ATP1A3: variants seen among roughly 807,000 people sequenced by gnomAD.
ATP1A3 encodes ATPase Na+/K+ transporting subunit alpha 3.
In ATP1A3, 12 loss-of-function variants were observed where a neutral mutation model predicts 108.8. The observed-to-expected ratio is 0.11, with a 90% CI of 0.07 to 0.18. The LOEUF (loss-of-function observed/expected upper bound fraction) is 0.18. ATP1A3 is among the 10% of genes least tolerant of loss of function. ATP1A3 has a pLI of 1.00. For synonymous variants in ATP1A3, 539 were observed against 564.5 expected (o/e 0.95, Z 0.64); for missense variants, 498 against 1,387.7 (o/e 0.36, Z 10.19).
At chr19:41,990,675 CATAT>C (rs5828137) in intron 1 of ATP1A3, among the ~76,000 whole-genome samples, 60 of 144,818 alleles carry the variant, frequency 4.1e-4, no homozygotes, top group Non-Finnish European at 4.5e-4. Context: ...TCTCTCTGTC[CATAT>C]ATATATATAT....
At position 41,981,901 on chromosome 19, in the gene ATP1A3, C is replaced by G. The variant is rs374826826; in HGVS notation, c.1192+7G>C. 1.9e-5 allele frequency: 31 copies of G among 1,614,108 alleles called. No homozygotes were observed. Among genetic ancestry groups the G allele is most frequent in the Non-Finnish European group, 2.4e-5 (28 of 1,180,042 alleles). On this transcript the variant is annotated splice_region_variant and intron_variant, in intron 9 of 22. Coordinates refer to ENST00000648268, the MANE Select transcript of ATP1A3 (RefSeq NM_152296.5). This position sits in a 1 kb window ranked among gnomAD's most constrained non-coding sequence, Gnocchi z 5.0. ...CCCCATGGTCCTCACCCGGGGCCTG[C>G]GCTCACCTGACTGGTCCTCAGTGGT... is the stretch of plus-strand genomic sequence containing the variant.
intron 4 of ATP1A3, chr19:41,986,589 A>C (rs1286462238): frequency 3.3e-6 from 1 of 305,892 alleles, no homozygotes; most frequent in Non-Finnish European, 6.4e-6. Context: ...CTACAGGTGC[A>C]TGCCACCACA....
chr19:41,972,494 C>T (rs909548162), intron 16 of ATP1A3, among the ~76,000 whole-genome samples: 1 of 151,704 alleles, frequency 6.6e-6, no homozygotes, highest in Non-Finnish European at 1.5e-5. Context: ...CAGGCGGGCA[C>T]GGTGGCAAAC....
chr19:41,982,140 G>C, intron 8 of ATP1A3, 34 bp from the exon 9 acceptor site: 1 of 1,613,606 alleles, frequency 6.2e-7, no homozygotes, highest in Non-Finnish European at 8.5e-7. Context: ...AAGTTACAGG[G>C]ACAAGCCCGG....
Position 41,988,075 on chromosome 19 carries a change from G to A in ATP1A3, c.218C>T (p.Pro73Leu), listed in dbSNP as rs1161880070. Reference sequence around the variant, plus strand: ...CTTGACCCACTCTGGGGTGGTAGGCGGTGGCGTGAGTGCGTTAGGCCCATC... The same window carrying A: ...CTTGACCCACTCTGGGGTGGTAGGCAGTGGCGTGAGTGCGTTAGGCCCATC... ...ARDGPNALTP[P>L]PTTPEWVKFC... The change falls in exon 4 of 23, where the codon CCG becomes CTG. Residue 73 changes from proline (P) to leucine (L), a missense_variant. By Grantham distance (98) the Pro-to-Leu change is moderately conservative. Around this residue, in one of 9 missense-constraint regions of ATP1A3, gnomAD observed 127 missense variants for 464.0 expected, o/e 0.27. Transcript: ENST00000648268. The surrounding 1 kb of genome is among the most constrained non-coding windows in gnomAD (Gnocchi z 5.3). 3.7e-6 allele frequency: 6 copies of A among 1,614,154 alleles called. No homozygotes were observed. The highest frequency in any genetic ancestry group is 2.2e-5 in the East Asian group (1 of 44,870).
chr19:41,985,715 T>TGAGGGAG lies in ATP1A3; in HGVS notation c.606+142_606+148dup. 8.0e-7 allele frequency: 1 copy of TGAGGGAG among 1,253,416 alleles called. No homozygotes were observed. The highest frequency in any genetic ancestry group is 1.1e-6 in the Non-Finnish European group (1 of 916,508). 77.6% of individuals were successfully genotyped at this position (1,253,416 alleles called of 1,614,324 possible). ...GGCCCAGGGCCTAAACTCCTGGGTC[T>TGAGGGAG]GAGGGAGGAGGGCCTGGGGGCCTGG... On this transcript the variant is annotated intron_variant, in intron 6 of 22. Transcript: ENST00000648268. The surrounding 1 kb of genome is among the most constrained non-coding windows in gnomAD (Gnocchi z 8.2).
Position 41,981,695 on chromosome 19 carries a change from C to T in ATP1A3, c.1302+27G>A, listed in dbSNP as rs782607166. The T allele has an allele frequency of 1.7e-5, 28 of 1,614,028 alleles. No individual in the cohort carries two copies. The highest frequency in any genetic ancestry group is 5.0e-5 in the Admixed American group (3 of 60,000). ...GCTGAGGGGAGGACACAGGCAGGGC[C>T]GAGGTGAGGCCAGTAGCTGAACCCA... On this transcript the variant is annotated intron_variant, in intron 10 of 22. Coordinates refer to ENST00000648268, the MANE Select transcript of ATP1A3 (RefSeq NM_152296.5). This position sits in a 1 kb window ranked among gnomAD's most constrained non-coding sequence, Gnocchi z 5.0.
At chr19:41,983,718 T>C (rs1393042898) in intron 8 of ATP1A3, among the ~76,000 whole-genome samples, 1 of 146,606 alleles carries the variant, frequency 6.8e-6, no homozygotes, top group Non-Finnish European at 1.5e-5. Context: ...GCCTCCCAAA[T>C]AGCTGGAACT....
chr19:41,973,641 A>G (rs1248397680), intron 16 of ATP1A3, among the ~76,000 whole-genome samples: 1 of 152,136 alleles, frequency 6.6e-6, no homozygotes, highest in Non-Finnish European at 1.5e-5. Context: ...ACTATTATCT[A>G]TCACAGCGGC....
At chr19:41,984,391 A>G (rs2075266162) in intron 8 of ATP1A3, 1 of 154,022 alleles carries the variant, frequency 6.5e-6, no homozygotes, top group Admixed American at 6.3e-5. Flanking sequence ...ACGCCCCACT[A>G]ATTTTGTATT....
At chr19:41,984,749 G>C in intron 8 of ATP1A3, 169 bp downstream of exon 8, 1 of 750,220 alleles carries the variant, frequency 1.3e-6, no homozygotes, top group Non-Finnish European at 2.1e-6. Flanking sequence ...CCCCTTCTCC[G>C]GACCCAGGGG....
intron 14 of ATP1A3, 111 bp downstream of exon 14, chr19:41,977,825 G>T: frequency 6.7e-7 from 1 of 1,493,244 alleles, no homozygotes; most frequent in Non-Finnish European, 9.0e-7. Context: ...CCATGGAGGA[G>T]TCCCAGAAAG....
rs1369793748 is a variant in ATP1A3, at chr19:41,985,686, A to G, written c.606+178T>C. Among the ~76,000 whole-genome samples the G allele has an allele frequency of 6.6e-6, 1 of 151,466 alleles. No homozygotes were observed. Among genetic ancestry groups the G allele is most frequent in the Non-Finnish European group, 1.5e-5 (1 of 67,838 alleles). ...CTGGACTCCTGACTGTTGGGTGAGG[A>G]GGTGGCCCAGGGCCTAAACTCCTGG... On this transcript the variant is annotated intron_variant, in intron 6 of 22. Transcript: ENST00000648268. The surrounding 1 kb of genome is among the most constrained non-coding windows in gnomAD (Gnocchi z 8.2).
At chr19:41,973,232 G>T (rs782482654) in intron 16 of ATP1A3, among the ~76,000 whole-genome samples, 9 of 152,138 alleles carry the variant, frequency 5.9e-5, no homozygotes, top group African/African-American at 1.7e-4. Flanking sequence ...GGTATATCTG[G>T]AATGCCCCCG....
intron 18 of ATP1A3, 30 bp from the exon 19 acceptor site, chr19:41,969,610 A>G: frequency 1.2e-6 from 2 of 1,612,030 alleles, no homozygotes; most frequent in Middle Eastern, 3.3e-4. Flanking sequence ...AGCCGAGGAG[A>G]GGCTCAGATT....
At chr19:41,975,313 A>C (rs987185222) in intron 16 of ATP1A3, among the ~76,000 whole-genome samples, 3 of 152,144 alleles carry the variant, frequency 2.0e-5, no homozygotes, top group Non-Finnish European at 4.4e-5. Flanking sequence ...AGCCTTCCAA[A>C]GTGCTGGGAT....
chr19:41,985,497 G>A lies in ATP1A3; in HGVS notation c.607-74C>T. The A allele has an allele frequency of 7.0e-7, 1 of 1,421,272 alleles. No individual in the cohort carries two copies. Among genetic ancestry groups the A allele is most frequent in the South Asian group, 1.2e-5 (1 of 86,522 alleles). The allele number at this position is 1,421,272 out of a possible 1,614,324, so 88.0% of individuals were successfully genotyped here. On this transcript the variant is annotated intron_variant, in intron 6 of 22. Coordinates refer to ENST00000648268, the MANE Select transcript of ATP1A3 (RefSeq NM_152296.5). This position sits in a 1 kb window ranked among gnomAD's most constrained non-coding sequence, Gnocchi z 8.2. The stretch of plus-strand genomic sequence containing the variant: ...GGAGGGTATTTGTGTACAGGGCTTG[G>A]GGCTGAAGCCTGTGTGCCTGGAGAT...
chr19:41,978,822 G>C lies in ATP1A3; in HGVS notation c.1438-24C>G. 6.2e-7 allele frequency: 1 copy of C among 1,612,476 alleles called. No homozygotes were observed. The highest frequency in any genetic ancestry group is 8.5e-7 in the Non-Finnish European group (1 of 1,178,964). The stretch of plus-strand genomic sequence containing the variant: ...AGCTGGGGACCGATCAGAGGGTGGC[G>C]TGCCTGAGCCACGCAGACACCAGGA... On this transcript the variant is annotated intron_variant, in intron 11 of 22. Coordinates refer to ENST00000648268, the MANE Select transcript of ATP1A3 (RefSeq NM_152296.5). The surrounding 1 kb of genome is among the most constrained non-coding windows in gnomAD (Gnocchi z 8.3).
At chr19:41,986,294 G>T (rs781938429) in intron 4 of ATP1A3, 65 bp from the exon 5 acceptor site, 21 of 1,519,680 alleles carry the variant, frequency 1.4e-5, no homozygotes, top group African/African-American at 1.2e-4. Flanking sequence ...GTCCCTGCTC[G>T]CCTGGAGTCT....
Sources: allele counts gnomAD v4.1 joint callset (sites outside exome capture counted in the v4.1 genomes callset), GRCh38; gene constraint gnomAD v4.1.1; regional missense constraint gnomAD v4.1.1; non-coding constraint Gnocchi (gnomAD v3.1); transcripts MANE v1.5; gene names NCBI Gene and HGNC (gene_info 2026-07-23, HGNC 2026-07-21).